LRRC8C: variants seen among roughly 807,000 people sequenced by gnomAD.
LRRC8C encodes the protein leucine rich repeat containing 8 VRAC subunit C.
Under a neutral mutation model 55.3 loss-of-function variants are expected in LRRC8C, and 20 were observed. That is an observed-to-expected ratio of 0.36 (90% confidence interval 0.25 to 0.53). The LOEUF is 0.53. LRRC8C is among the 20% of genes least tolerant of loss of function. The pLI is 0.92. For synonymous variants in LRRC8C, 376 were observed against 360.7 expected (o/e 1.04, Z -0.48); for missense variants, 659 against 951.4 (o/e 0.69, Z 4.04).
chr1:89,704,059 A>G (rs779366631), intron 2 of LRRC8C, among the ~76,000 whole-genome samples: 3 of 152,134 alleles, frequency 2.0e-5, no homozygotes, highest in Non-Finnish European at 4.4e-5. Flanking sequence ...TAGCCCTCCC[A>G]TCTTCAAGAA....
At chr1:89,653,146 A>G (rs1656836481) in intron 1 of LRRC8C, among the ~76,000 whole-genome samples, 2 of 152,224 alleles carry the variant, frequency 1.3e-5, no homozygotes, top group African/African-American at 2.4e-5. Context: ...GCTGTGGTAT[A>G]GAGCAATCAT....
intron 1 of LRRC8C, among the ~76,000 whole-genome samples, chr1:89,657,756 A>C (rs1656991974): frequency 6.6e-6 from 1 of 151,884 alleles, no homozygotes. Flanking sequence ...AAAAAAAAAA[A>C]AAAAGATGCT....
intron 2 of LRRC8C, among the ~76,000 whole-genome samples, chr1:89,706,658 T>C (rs1658489916): frequency 6.6e-6 from 1 of 152,162 alleles, no homozygotes; most frequent in African/African-American, 2.4e-5. Context: ...TAAATCTGAT[T>C]GTTACCATTT....
chr1:89,691,451 G>T (rs1202118615), intron 2 of LRRC8C, among the ~76,000 whole-genome samples: 1 of 152,220 alleles, frequency 6.6e-6, no homozygotes, highest in Non-Finnish European at 1.5e-5. Flanking sequence ...TTCGGAGAGG[G>T]TGGGGTCAGG....
intron 2 of LRRC8C, among the ~76,000 whole-genome samples, chr1:89,690,433 C>T (rs767264820): frequency 3.3e-5 from 5 of 152,008 alleles, no homozygotes; most frequent in Non-Finnish European, 7.4e-5. Context: ...CATAGATTAG[C>T]GGGAGCACTA....
upstream of LRRC8C, among the ~76,000 whole-genome samples, chr1:89,628,939 G>A (rs903113566): frequency 2.0e-5 from 3 of 152,182 alleles, no homozygotes; most frequent in African/African-American, 7.2e-5. Context: ...GAGGGCAGGA[G>A]AAAGCTAGAC....
At chr1:89,661,220 T>C (rs1477129975) in intron 1 of LRRC8C, 3 of 228,516 alleles carry the variant, frequency 1.3e-5, no homozygotes, top group East Asian at 2.3e-4. Context: ...GTTAGAAATC[T>C]GGACCTTCTT....
chr1:89,696,471 GAGGGGA>G (rs1384940427), intron 2 of LRRC8C, among the ~76,000 whole-genome samples: 3 of 152,260 alleles, frequency 2.0e-5, no homozygotes, highest in Admixed American at 6.5e-5. Flanking sequence ...ACAGAGGGGA[GAGGGGA>G]AGGGGAAGGG....
intron 2 of LRRC8C, among the ~76,000 whole-genome samples, chr1:89,692,085 G>A (rs7552479): frequency 0.22 from 33,265 of 152,032 alleles, 3,942 homozygotes; most frequent in East Asian, 0.31. Context: ...TTTTAGCTCT[G>A]CTATGATAAT....
the LRRC8C span, among the ~76,000 whole-genome samples, chr1:89,628,048 T>C: frequency 6.6e-6 from 1 of 152,244 alleles, no homozygotes; most frequent in African/African-American, 2.4e-5. Context: ...AACCTGCATT[T>C]AGCACATAAT....
At chr1:89,633,537 C>T (rs931458240) in intron 1 of LRRC8C, among the ~76,000 whole-genome samples, 3 of 152,226 alleles carry the variant, frequency 2.0e-5, no homozygotes, top group South Asian at 2.1e-4. Context: ...ACCCCTACCC[C>T]ACCCAATCCG....
chr1:89,659,390 C>T (rs1366139094), intron 1 of LRRC8C, among the ~76,000 whole-genome samples: 1 of 152,104 alleles, frequency 6.6e-6, no homozygotes, highest in East Asian at 1.9e-4. Flanking sequence ...GGGTTGTATG[C>T]AGGCCCCTCT....
rs113354519 is a variant in LRRC8C at position 89,694,924 on chromosome 1, CT to C, written c.138+8330del. Among the ~76,000 whole-genome samples, 775 of 128,204 alleles carry C rather than the reference CT, an allele frequency of 6.0e-3. 1 individual carries two copies. The highest frequency in any genetic ancestry group is 9.7e-3 in the East Asian group (43 of 4,432). The allele number at this position is 128,204 out of a possible 152,430, so 84.1% of individuals were successfully genotyped here. On this transcript the variant is annotated intron_variant, in intron 2 of 2. Coordinates refer to ENST00000370454, the MANE Select transcript of LRRC8C (RefSeq NM_032270.5). ...CCTGTTTCTAATAAAAGTATAAAGA[CT>C]TTTTTTTTTTTTTTTTGATACAGAG... is the stretch of plus-strand genomic sequence containing the variant.
At chr1:89,617,696 G>A in the LRRC8C span, among the ~76,000 whole-genome samples, 2 of 152,252 alleles carry the variant, frequency 1.3e-5, no homozygotes, top group East Asian at 3.9e-4. Context: ...CCCTCACTTA[G>A]GATGCCAGTC....
intron 2 of LRRC8C, among the ~76,000 whole-genome samples, chr1:89,694,568 G>GACACC (rs1658114414): frequency 6.8e-6 from 1 of 146,908 alleles, no homozygotes; most frequent in South Asian, 2.1e-4. Context: ...ACAGGTGCGT[G>GACACC]ACACCATGCC....
intron 1 of LRRC8C, among the ~76,000 whole-genome samples, chr1:89,678,501 G>A (rs1053937969): frequency 8.5e-5 from 13 of 152,118 alleles, no homozygotes; most frequent in African/African-American, 2.9e-4. Flanking sequence ...AGGAGTTCAA[G>A]ACCAGCCTGA....
chr1:89,709,284 G>C (rs533508766), intron 2 of LRRC8C, among the ~76,000 whole-genome samples: 3 of 152,370 alleles, frequency 2.0e-5, no homozygotes, highest in Admixed American at 2.0e-4. Context: ...ACTTGTGCAG[G>C]TCACTGAAGT....
At chr1:89,662,553 T>G (rs1402991232) in intron 1 of LRRC8C, among the ~76,000 whole-genome samples, 1 of 152,106 alleles carries the variant, frequency 6.6e-6, no homozygotes, top group African/African-American at 2.4e-5. Flanking sequence ...ATAATCTAAT[T>G]GAGAGATGAT....
intron 1 of LRRC8C, among the ~76,000 whole-genome samples, chr1:89,649,771 A>G (rs1656707851): frequency 2.0e-5 from 3 of 152,148 alleles, no homozygotes; most frequent in South Asian, 2.1e-4. Flanking sequence ...GTTTTGGTCT[A>G]TTTAGAGATG....
Sources: allele counts gnomAD v4.1 joint callset (sites outside exome capture counted in the v4.1 genomes callset), GRCh38; gene constraint gnomAD v4.1.1; transcripts MANE v1.5; gene names NCBI Gene and HGNC (gene_info 2026-07-23, HGNC 2026-07-21).